Variants in PHACTR2 observed in about 807,000 individuals in gnomAD.
The protein encoded by PHACTR2 is phosphatase and actin regulator 2.
A neutral mutation model predicts 76.0 loss-of-function variants in PHACTR2; 30 were observed. The observed-to-expected ratio is 0.39, with a 90% CI of 0.30 to 0.54. PHACTR2 has a LOEUF of 0.54. PHACTR2 is among the 20% of genes least tolerant of loss of function. PHACTR2 has a pLI of 0.61. For missense variants in PHACTR2, 696 were observed against 781.1 expected, an observed-to-expected ratio of 0.89 and a Z score of 1.30; for synonymous variants, 292 against 292.5, an observed-to-expected ratio of 1.00 and a Z score of 0.02.
In PHACTR2 at chr6:143,626,046, T is replaced by A. The variant is rs78768612; in HGVS notation, c.13+17724T>A. ...TTGATCAGTTTGGTGCAGTTTCAGG[T>A]GAACGCTATTTTTTATTTCAATTTG... On this transcript the variant is annotated intron_variant, in intron 1 of 11. Coordinates refer to the PHACTR2 transcript ENST00000305766. 1.4e-4 allele frequency among the ~76,000 whole-genome samples: 22 copies of A among 152,290 alleles called. No homozygotes were observed. The East Asian group carries it at 3.9e-3, about 27-fold the overall frequency.
At position 143,787,146 on chromosome 6, in the gene PHACTR2, T is replaced by G. The variant is rs2128479185; in HGVS notation, c.1708-1627T>G. Among the ~76,000 whole-genome samples, 1 of 152,308 alleles carries G rather than the reference T, an allele frequency of 6.6e-6. No individual in the cohort carries two copies. ...CCAGCCCTTACCCTCTGCACCCACTTGCCTCCACCATACATAGCTCCATGC... is the reference window on the plus strand; with the variant it reads ...CCAGCCCTTACCCTCTGCACCCACTGGCCTCCACCATACATAGCTCCATGC... On this transcript the variant is annotated intron_variant, in intron 10 of 12. Transcript: ENST00000440869. This position sits in a 1 kb window ranked among gnomAD's most constrained non-coding sequence, Gnocchi z 4.6.
chr6:143,576,801 A>T (rs1021805583), intron 1 of PHACTR2, among the ~76,000 whole-genome samples: 6 of 148,294 alleles, frequency 4.0e-5, no homozygotes, highest in Non-Finnish European at 7.4e-5. Context: ...ACTTGAACCC[A>T]GGAGGCCGAG....
intron 2 of PHACTR2, among the ~76,000 whole-genome samples, chr6:143,718,001 AT>A (rs1305403866): frequency 6.6e-6 from 1 of 152,240 alleles, no homozygotes; most frequent in Non-Finnish European, 1.5e-5. Flanking sequence ...TTGGAAAAAA[AT>A]ATTTTCCTAT....
At chr6:143,563,989 G>A (rs993542968) in intron 1 of PHACTR2, among the ~76,000 whole-genome samples, 3 of 151,864 alleles carry the variant, frequency 2.0e-5, no homozygotes, top group Non-Finnish European at 4.4e-5. Flanking sequence ...GGGTGACAGA[G>A]TGAGATCCTG....
chr6:143,728,365 C>G (rs1424279518), intron 2 of PHACTR2, among the ~76,000 whole-genome samples: 2 of 151,742 alleles, frequency 1.3e-5, no homozygotes, highest in African/African-American at 4.8e-5. Context: ...GCGCACACCA[C>G]CACACCTGGC....
At chr6:143,691,326 T>C (rs1582776095) in intron 1 of PHACTR2, among the ~76,000 whole-genome samples, 3 of 152,158 alleles carry the variant, frequency 2.0e-5, no homozygotes, top group Admixed American at 2.0e-4. Flanking sequence ...TATGTGTGTC[T>C]TTCTCTTTAC....
intron 1 of PHACTR2, among the ~76,000 whole-genome samples, chr6:143,704,097 G>GTGTGTGTGTGTGTC (rs753558818): frequency 0.28 from 40,286 of 141,832 alleles, 5,549 homozygotes; most frequent in Non-Finnish European, 0.33. Flanking sequence ...GTGTGTGTCT[G>GTGTGTGTGTGTGTC]TGTGTGTGTG....
chr6:143,814,895 G>A (rs533714902), intron 12 of PHACTR2, among the ~76,000 whole-genome samples: 1 of 151,862 alleles, frequency 6.6e-6, no homozygotes, highest in Non-Finnish European at 1.5e-5. Flanking sequence ...AGCCACCGCC[G>A]CCGGCCCATA....
chr6:143,642,810 C>G (rs1039396163), intron 1 of PHACTR2, among the ~76,000 whole-genome samples: 50 of 152,198 alleles, frequency 3.3e-4, no homozygotes, highest in African/African-American at 1.2e-3. Flanking sequence ...GGACATGGAA[C>G]AGATTCTCCC....
At position 143,708,627 on chromosome 6, in the gene PHACTR2, A is replaced by G. The variant is rs951469094; in HGVS notation, c.47-3389A>G. Among the ~76,000 whole-genome samples the G allele has an allele frequency of 2.6e-5, 4 of 152,228 alleles. No individual in the cohort carries two copies. The highest frequency in any genetic ancestry group is 2.6e-4 in the Admixed American group (4 of 15,276). On this transcript the variant is annotated intron_variant, in intron 1 of 12. Transcript: ENST00000440869. The surrounding 1 kb of genome is among the most constrained non-coding windows in gnomAD (Gnocchi z 5.5). ...CACAAGAAAAATTATAGAAATATCA[A>G]TAGCAATGCCCAGTGTCCTGGGTAT...
rs1484827208 is a variant in PHACTR2 at position 143,803,692 on chromosome 6, C to T, written c.1846-3365C>T. ...CTGTTTGAGAATGATGTTAACATCA[C>T]ACATAGAAAGGCTGTGTTTTCTAGG... On this transcript the variant is annotated intron_variant, in intron 11 of 12. Coordinates refer to ENST00000440869, the MANE Select transcript of PHACTR2 (RefSeq NM_001100164.2). The surrounding 1 kb of genome is among the most constrained non-coding windows in gnomAD (Gnocchi z 4.7). 2.6e-5 allele frequency among the ~76,000 whole-genome samples: 4 copies of T among 152,120 alleles called. No individual in the cohort carries two copies. The highest frequency in any genetic ancestry group is 7.2e-5 in the African/African-American group (3 of 41,390).
In PHACTR2 at chr6:143,617,285, G is replaced by A. The variant is rs946465025; in HGVS notation, c.13+8963G>A. ...CTGATGGAATTCAACACCCAGTTTT[G>A]TACTTACTGGAAGTTCATCTGAGAT... On this transcript the variant is annotated intron_variant, in intron 1 of 11. Coordinates refer to the PHACTR2 transcript ENST00000305766. The surrounding 1 kb of genome is among the most constrained non-coding windows in gnomAD (Gnocchi z 4.8). Among the ~76,000 whole-genome samples the A allele has an allele frequency of 2.0e-5, 3 of 152,146 alleles. No individual in the cohort carries two copies. The highest frequency in any genetic ancestry group is 7.2e-5 in the African/African-American group (3 of 41,438).
intron 1 of PHACTR2, among the ~76,000 whole-genome samples, chr6:143,568,600 A>G (rs1466002340): frequency 1.3e-5 from 2 of 152,236 alleles, no homozygotes; most frequent in African/African-American, 4.8e-5. Flanking sequence ...CAATCCAGAA[A>G]GCAATCAGTA....
At chr6:143,798,432 T>A (rs1403260452) in intron 11 of PHACTR2, among the ~76,000 whole-genome samples, 1 of 152,180 alleles carries the variant, frequency 6.6e-6, no homozygotes, top group East Asian at 1.9e-4. Flanking sequence ...CTTCCAACAT[T>A]ATGTTGAATA....
chr6:143,640,013 T>C (rs1407670899), intron 1 of PHACTR2, among the ~76,000 whole-genome samples: 1 of 152,238 alleles, frequency 6.6e-6, no homozygotes, highest in Non-Finnish European at 1.5e-5. Flanking sequence ...TATATGATGG[T>C]AATTCTGTGT....
intron 1 of PHACTR2, among the ~76,000 whole-genome samples, chr6:143,661,101 T>A (rs909077056): frequency 1.4e-4 from 22 of 152,140 alleles, no homozygotes; most frequent in Non-Finnish European, 2.4e-4. Context: ...AAGTAAAATA[T>A]TCATAAAAAA....
chr6:143,655,545 T>C (rs1776834919), intron 1 of PHACTR2, among the ~76,000 whole-genome samples: 1 of 152,246 alleles, frequency 6.6e-6, no homozygotes, highest in Admixed American at 6.5e-5. Flanking sequence ...AATATGTCAT[T>C]AATTATAGAT....
chr6:143,613,647 A>C (rs1776014967), intron 1 of PHACTR2, among the ~76,000 whole-genome samples: 2 of 152,226 alleles, frequency 1.3e-5, no homozygotes, highest in Admixed American at 1.3e-4. Context: ...AGGCAGAATG[A>C]ATTGTGATTT....
At position 143,695,762 on chromosome 6, in the gene PHACTR2, G is replaced by A. The variant is rs1465049876; in HGVS notation, c.47-16254G>A. Reference sequence around the variant, plus strand: ...GTGGTCTTTACTTAAAATATCTGAAGTTAATGGAATCATAAAACAGATCTT... The same window carrying A: ...GTGGTCTTTACTTAAAATATCTGAAATTAATGGAATCATAAAACAGATCTT... On this transcript the variant is annotated intron_variant, in intron 1 of 12. Transcript: ENST00000440869. The surrounding 1 kb of genome is among the most constrained non-coding windows in gnomAD (Gnocchi z 4.4). Among the ~76,000 whole-genome samples the A allele has an allele frequency of 6.6e-6, 1 of 152,208 alleles. No individual in the cohort carries two copies. Among genetic ancestry groups the A allele is most frequent in the Non-Finnish European group, 1.5e-5 (1 of 68,036 alleles).
Sources: gnomAD v4.1 joint callset for allele counts (sites outside exome capture counted in the v4.1 genomes callset) on GRCh38, gnomAD v4.1.1 for gene constraint, Gnocchi (gnomAD v3.1) non-coding constraint, MANE v1.5 for transcripts, NCBI Gene and HGNC (gene_info 2026-07-23, HGNC 2026-07-21) for gene names.